PDE4D: variants seen among roughly 807,000 people sequenced by gnomAD.
The protein encoded by PDE4D is phosphodiesterase 4D.
A neutral mutation model predicts 87.4 loss-of-function variants in PDE4D; 24 were observed. That is an observed-to-expected ratio of 0.27 (90% CI 0.20 to 0.39). The LOEUF (loss-of-function observed/expected upper bound fraction) is 0.39, where lower values mean the gene tolerates loss of function less well. Ranked by LOEUF, PDE4D falls within the 10% of genes least tolerant of loss-of-function variation. PDE4D has a pLI of 1.00. For missense variants in PDE4D, 714 were observed against 1,041.0 expected, an observed-to-expected ratio of 0.69 and a Z score of 4.32; for synonymous variants, 384 against 383.2, an observed-to-expected ratio of 1.00 and a Z score of -0.02.
intron 5 of PDE4D, among the ~76,000 whole-genome samples, chr5:59,047,361 G>C (rs879221475): frequency 6.6e-6 from 1 of 152,178 alleles, no homozygotes; most frequent in Admixed American, 6.5e-5. Flanking sequence ...CAAACAGGTA[G>C]GGATATAAAG....
intron 5 of PDE4D, among the ~76,000 whole-genome samples, chr5:59,134,803 G>A (rs13185828): frequency 0.16 from 24,191 of 152,066 alleles, 2,033 homozygotes; most frequent in African/African-American, 0.19. Flanking sequence ...GCTCCTGACT[G>A]CTATCTTCCT....
intron 1 of PDE4D, among the ~76,000 whole-genome samples, chr5:59,274,388 C>T (rs891195937): frequency 2.0e-5 from 3 of 152,088 alleles, no homozygotes; most frequent in African/African-American, 4.8e-5. Flanking sequence ...AAATTCCTGA[C>T]GCAAATAATT....
intron 2 of PDE4D, among the ~76,000 whole-genome samples, chr5:60,174,951 TTGG>T (rs1400806495): frequency 3.9e-5 from 6 of 152,134 alleles, no homozygotes; most frequent in African/African-American, 1.4e-4. Context: ...AGTCTGTGAT[TTGG>T]TGTCCATCAT....
At chr5:59,343,527 G>A (rs1354780657) in intron 1 of PDE4D, among the ~76,000 whole-genome samples, 1 of 152,154 alleles carries the variant, frequency 6.6e-6, no homozygotes, top group Admixed American at 6.5e-5. Context: ...ATATCAGAAT[G>A]TACAGCATAA....
rs1227425093 is a variant in PDE4D at position 60,082,650 on chromosome 5, T to C, written c.43-93933A>G. Among the ~76,000 whole-genome samples the C allele has an allele frequency of 2.0e-5, 3 of 152,132 alleles. No individual in the cohort carries two copies. In the East Asian group the frequency reaches 5.8e-4, roughly 29 times the overall value. Reference sequence around the variant, plus strand: ...GTGCTCACAACTCACTGGCTAGATCTAGTAGCAGGGCCCCACCCAAACACA... The same window carrying C: ...GTGCTCACAACTCACTGGCTAGATCCAGTAGCAGGGCCCCACCCAAACACA... On this transcript the variant is annotated intron_variant, in intron 2 of 16. Coordinates refer to the PDE4D transcript ENST00000502484.
At chr5:59,435,256 G>A (rs1356686154) in intron 1 of PDE4D, among the ~76,000 whole-genome samples, 1 of 152,080 alleles carries the variant, frequency 6.6e-6, no homozygotes, top group African/African-American at 2.4e-5. Context: ...GAACATGTGA[G>A]TCCTTTGCTT....
intron 1 of PDE4D, among the ~76,000 whole-genome samples, chr5:60,470,825 A>T (rs1217619415): frequency 6.6e-6 from 1 of 152,208 alleles, no homozygotes; most frequent in Non-Finnish European, 1.5e-5. Context: ...CTCATTGACA[A>T]TGCACCTAGT....
intron 1 of PDE4D, among the ~76,000 whole-genome samples, chr5:59,662,365 C>T (rs1745396366): frequency 6.6e-6 from 1 of 152,190 alleles, no homozygotes; most frequent in African/African-American, 2.4e-5. Flanking sequence ...TACTGCAACA[C>T]CTGGGCCTCA....
intron 5 of PDE4D, among the ~76,000 whole-genome samples, chr5:59,135,226 G>T (rs1000643187): frequency 2.6e-5 from 4 of 152,112 alleles, no homozygotes; most frequent in Non-Finnish European, 5.9e-5. Context: ...CTACATTAAG[G>T]CACATTTATT....
At chr5:59,747,133 T>A (rs1759725998) in intron 1 of PDE4D, among the ~76,000 whole-genome samples, 1 of 152,160 alleles carries the variant, frequency 6.6e-6, no homozygotes, top group South Asian at 2.1e-4. Flanking sequence ...GGCCTTGCCA[T>A]GACAGATAAC....
At chr5:60,320,901 A>C (rs1562321301) in intron 1 of PDE4D, among the ~76,000 whole-genome samples, 1 of 152,186 alleles carries the variant, frequency 6.6e-6, no homozygotes. Context: ...AGAAATCGGA[A>C]ATAACACAAT....
chr5:60,468,987 CT>C (rs1415202706), intron 1 of PDE4D, among the ~76,000 whole-genome samples: 3 of 152,144 alleles, frequency 2.0e-5, no homozygotes, highest in Non-Finnish European at 2.9e-5. Flanking sequence ...AGACAATTGC[CT>C]CTTTTGGAGA....
chr5:59,936,212 G>A (rs960721288), intron 3 of PDE4D, among the ~76,000 whole-genome samples: 1 of 152,152 alleles, frequency 6.6e-6, no homozygotes, highest in African/African-American at 2.4e-5. Context: ...GGCCTGTTGT[G>A]GGGTAGGGGG....
intron 1 of PDE4D, among the ~76,000 whole-genome samples, chr5:59,636,813 C>A (rs921455425): frequency 6.6e-6 from 1 of 152,120 alleles, no homozygotes; most frequent in Non-Finnish European, 1.5e-5. Flanking sequence ...AGAAGAAAAC[C>A]TAGGCAATAC....
chr5:60,413,719 T>C (rs953866005), intron 1 of PDE4D, among the ~76,000 whole-genome samples: 1 of 151,750 alleles, frequency 6.6e-6, no homozygotes, highest in Non-Finnish European at 1.5e-5. Context: ...TCGTTTATTT[T>C]TTTTTTTTTT....
At chr5:59,654,081 T>G (rs1474443451) in intron 1 of PDE4D, among the ~76,000 whole-genome samples, 1 of 152,106 alleles carries the variant, frequency 6.6e-6, no homozygotes, top group Non-Finnish European at 1.5e-5. Flanking sequence ...TGCCATGCAC[T>G]TGTATTCCCA....
chr5:59,950,112 G>A (rs1758142012), intron 3 of PDE4D, among the ~76,000 whole-genome samples: 1 of 152,100 alleles, frequency 6.6e-6, no homozygotes, highest in African/African-American at 2.4e-5. Flanking sequence ...TTTATTAAGA[G>A]ATCTTTACAT....
chr5:60,277,188 C>T (rs1454148713), intron 1 of PDE4D, among the ~76,000 whole-genome samples: 1 of 151,858 alleles, frequency 6.6e-6, no homozygotes, highest in South Asian at 2.1e-4. Context: ...TGGGGAAAAG[C>T]GGATTTTCCT....
At chr5:59,145,923 T>C (rs1360864677) in intron 5 of PDE4D, among the ~76,000 whole-genome samples, 1 of 152,158 alleles carries the variant, frequency 6.6e-6, no homozygotes, top group Non-Finnish European at 1.5e-5. Context: ...GTTCAGGAGT[T>C]TGAAACCAGC....
Sources: allele counts gnomAD v4.1 joint callset (sites outside exome capture counted in the v4.1 genomes callset), GRCh38; gene constraint gnomAD v4.1.1; transcripts MANE v1.5; gene names NCBI Gene and HGNC (gene_info 2026-07-23, HGNC 2026-07-21).